The following CLASRP variants were observed in gnomAD, a reference collection of about 807,000 sequenced individuals.
CLASRP encodes CLK4-associating serine/arginine rich protein.
CLASRP carries 52 observed loss-of-function variants against 99.9 expected under a neutral mutation model. The observed-to-expected ratio is 0.52, with a 90% CI of 0.42 to 0.66. The LOEUF is 0.66. Among genes scored for constraint, CLASRP ranks in the 30% least tolerant of loss-of-function variants. The probability of loss-of-function intolerance (pLI) is 0.00; values close to 1 mark genes in which losing one functional copy is unlikely to be tolerated. For missense variants in CLASRP, 848 were observed against 999.2 expected (o/e 0.85, Z 2.04); for synonymous variants, 379 against 373.0 (o/e 1.02, Z -0.18).
chr19:45,048,844 A>G (rs1385704793), intron 2 of CLASRP, among the ~76,000 whole-genome samples: 4 of 151,678 alleles, frequency 2.6e-5, no homozygotes, highest in Non-Finnish European at 5.9e-5. Flanking sequence ...AAATTAGCCA[A>G]GCGTGGTGGC....
chr19:45,061,527 G>T (rs1475870798), intron 10 of CLASRP, among the ~76,000 whole-genome samples: 1 of 152,010 alleles, frequency 6.6e-6, no homozygotes, highest in Non-Finnish European at 1.5e-5. Context: ...GGAGTGCAGT[G>T]GTGTAATCAC....
chr19:45,044,615 A>T (rs1459786712), intron 2 of CLASRP, among the ~76,000 whole-genome samples: 1 of 152,186 alleles, frequency 6.6e-6, no homozygotes, highest in Non-Finnish European at 1.5e-5. Context: ...AATAATAAAA[A>T]AAAATTAGCC....
rs1200735068 is a variant in CLASRP, at chr19:45,064,408, C to G, written c.1187C>G (p.Ser396Cys). The change falls in exon 13 of 21, where the codon TCT becomes TGT. Residue 396 changes from serine to cysteine, a missense_variant. Physicochemically the swap from Ser to Cys is moderately radical, Grantham distance 112. Coordinates refer to ENST00000221455, the MANE Select transcript of CLASRP (RefSeq NM_007056.3). The part of the protein sequence containing the change: ...ASRTSSSRSS[S>C]RSSSRSRRGG... ...AGGACCTCCAGCTCCCGCTCCAGCT[C>G]TCGCTCCAGCTCCCGCTCTCGCCGT... 3.9e-6 allele frequency: 6 copies of G among 1,529,298 alleles called. No individual in the cohort carries two copies. The highest frequency in any genetic ancestry group is 3.9e-5 in the Admixed American group (2 of 50,840). The allele number at this position is 1,529,298 out of a possible 1,614,324, so 94.7% of individuals were successfully genotyped here.
At chr19:45,047,406 C>A (rs1971939221) in intron 2 of CLASRP, 2 of 104,602 alleles carry the variant, frequency 1.9e-5, no homozygotes, top group Non-Finnish European at 1.9e-5. Context: ...AGCAAGACTC[C>A]ATCTCAAAAA....
chr19:45,057,772 A>G lies in CLASRP; in HGVS notation c.487A>G (p.Ile163Val), dbSNP rs776942453. 6 of 1,614,022 alleles carry G rather than the reference A, an allele frequency of 3.7e-6. No individual in the cohort carries two copies. Among genetic ancestry groups the G allele is most frequent in the Admixed American group, 3.3e-5 (2 of 60,010 alleles). The change falls in exon 7 of 21, where the codon ATC (isoleucine) becomes GTC (valine). Residue 163 changes from isoleucine to valine, a missense_variant. Physicochemically the swap from Ile to Val is conservative, Grantham distance 29. Coordinates refer to ENST00000221455, the MANE Select transcript of CLASRP (RefSeq NM_007056.3). The stretch of plus-strand genomic sequence containing the variant: ...CAGGCTGGCAGAGAAGAAGGCTTCC[A>G]TCGGTTATACCTACGAGGACAGCAC... ...KKKLAEKKAS[I>V]GYTYEDSTVA...
rs1195599814 is a variant in CLASRP at position 45,067,771 on chromosome 19, A to G, written c.1667+177A>G. Among the ~76,000 whole-genome samples, 1 of 152,076 alleles carries G rather than the reference A, an allele frequency of 6.6e-6. No homozygotes were observed. Among genetic ancestry groups the G allele is most frequent in the Non-Finnish European group, 1.5e-5 (1 of 67,998 alleles). ...ACACAGCCCTGGCCTGGGGGGTCTG[A>G]GGAGGACACACCAAATCCTGGAGGA... On this transcript the variant is annotated intron_variant, in intron 14 of 20. Coordinates refer to ENST00000221455, the MANE Select transcript of CLASRP (RefSeq NM_007056.3). The surrounding 1 kb of genome is among the most constrained non-coding windows in gnomAD (Gnocchi z 4.9).
At chr19:45,070,324 T>C (rs1967209512) in intron 19 of CLASRP, among the ~76,000 whole-genome samples, 4 of 151,536 alleles carry the variant, frequency 2.6e-5, no homozygotes, top group Admixed American at 2.6e-4. Context: ...CACACACAGA[T>C]TGCTTTAGTC....
intron 13 of CLASRP, among the ~76,000 whole-genome samples, chr19:45,066,577 A>G (rs1967091253): frequency 7.3e-6 from 1 of 137,508 alleles, no homozygotes; most frequent in Non-Finnish European, 1.5e-5. Context: ...GAGCCCAGCT[A>G]TTGCACCACT....
chr19:45,045,164 C>T (rs900946191), intron 2 of CLASRP, among the ~76,000 whole-genome samples: 34 of 152,208 alleles, frequency 2.2e-4, no homozygotes, highest in African/African-American at 8.2e-4. Context: ...TGTCTTCATT[C>T]TATCCAGCAG....
intron 5 of CLASRP, among the ~76,000 whole-genome samples, chr19:45,055,214 C>T (rs1416779764): frequency 6.6e-6 from 1 of 152,196 alleles, no homozygotes; most frequent in African/African-American, 2.4e-5. Context: ...ATGTGACAGA[C>T]AGTGTGCCAT....
intron 16 of CLASRP, 93 bp downstream of exon 16, chr19:45,068,573 C>A: frequency 9.9e-7 from 1 of 1,006,484 alleles, no homozygotes; most frequent in Non-Finnish European, 1.6e-6. Context: ...GGAGGCCTGG[C>A]CCTTCCCTAG....
intron 2 of CLASRP, among the ~76,000 whole-genome samples, 154 bp from the exon 3 acceptor site, chr19:45,051,917 G>C (rs1045285656): frequency 1.3e-5 from 2 of 151,718 alleles, no homozygotes; most frequent in African/African-American, 4.8e-5. Flanking sequence ...GCAGTGAGCC[G>C]AGACAGCACC....
intron 2 of CLASRP, among the ~76,000 whole-genome samples, chr19:45,047,010 A>G (rs1006241249): frequency 1.3e-5 from 2 of 152,110 alleles, no homozygotes; most frequent in Non-Finnish European, 2.9e-5. Flanking sequence ...CTGGACAACA[A>G]GAGCAAAACT....
chr19:45,060,390 A>T lies in CLASRP; in HGVS notation c.712A>T (p.Met238Leu). 1 of 1,613,934 alleles carries T rather than the reference A, an allele frequency of 6.2e-7. No homozygotes were observed. Among genetic ancestry groups the T allele is most frequent in the Non-Finnish European group, 8.5e-7 (1 of 1,179,900 alleles). ...YGMADGDFVRMLRKDKEEAEA... is the reference protein window; with the variant it reads ...YGMADGDFVRLLRKDKEEAEA... The stretch of plus-strand genomic sequence containing the variant: ...CCTAATTCTCACCCACCTCTATAGG[A>T]TGCTCCGGAAAGACAAGGAGGAGGC... Residue 238 changes from methionine to leucine, a missense_variant and splice_region_variant, in exon 9 of 21, where the codon ATG becomes TTG. Around this residue, in one of 8 missense-constraint regions of CLASRP, gnomAD observed 119 missense variants for 170.2 expected, o/e 0.70. Transcript: ENST00000221455. The surrounding 1 kb of genome is among the most constrained non-coding windows in gnomAD (Gnocchi z 4.6).
At chr19:45,052,732 T>G in intron 3 of CLASRP, 59 bp from the exon 4 acceptor site, 1 of 1,282,644 alleles carries the variant, frequency 7.8e-7, no homozygotes, top group Admixed American at 2.0e-5. Flanking sequence ...GCAGGTGCTT[T>G]GTGTCCTGGG....
intron 8 of CLASRP, among the ~76,000 whole-genome samples, chr19:45,059,801 G>A (rs1951364369): frequency 1.3e-5 from 2 of 152,198 alleles, no homozygotes; most frequent in African/African-American, 4.8e-5. Context: ...CCTGAGCATG[G>A]CACCCTCTGC....
chr19:45,070,524 GTT>G lies in CLASRP; in HGVS notation c.1958-10_1958-9del. On this transcript the variant is annotated splice_polypyrimidine_tract_variant and intron_variant, in intron 19 of 20. Transcript: ENST00000221455. ...GATGTTTGCTCGCTCTTCACCTGTT[GTT>G]TTCTTTCCAGGTCGAGAATACAGCT... The G allele has an allele frequency of 6.2e-7, 1 of 1,613,842 alleles. No individual in the cohort carries two copies. The highest frequency in any genetic ancestry group is 8.5e-7 in the Non-Finnish European group (1 of 1,179,734).
chr19:45,070,670 G>A (rs1967220427), intron 20 of CLASRP, 109 bp downstream of exon 20: 2 of 1,313,434 alleles, frequency 1.5e-6, no homozygotes, highest in South Asian at 1.2e-5. Context: ...TCCAGTTGGA[G>A]GGGCTGGTCT....
At position 45,068,025 on chromosome 19, in the gene CLASRP, G is replaced by A; in HGVS notation, c.1678G>A (p.Ala560Thr). 6.2e-7 allele frequency: 1 copy of A among 1,613,700 alleles called. No homozygotes were observed. Among genetic ancestry groups the A allele is most frequent in the South Asian group, 1.1e-5 (1 of 91,078 alleles). ...VGEKLKKTEP[A>T]AGKETGAAKP... Reference sequence around the variant, plus strand: ...CCTGCCCCCACCCAGGACCGAACCTGCCGCTGGTAAAGAGACAGGAGCTGC... The same window carrying A: ...CCTGCCCCCACCCAGGACCGAACCTACCGCTGGTAAAGAGACAGGAGCTGC... The change falls in exon 15 of 21, where the codon GCC (alanine) becomes ACC (threonine). Residue 560 changes from alanine to threonine, a missense_variant. Physicochemically the swap from Ala to Thr is moderately conservative, Grantham distance 58 (BLOSUM62 0). Transcript: ENST00000221455.
Sources: allele counts gnomAD v4.1 joint callset (sites outside exome capture counted in the v4.1 genomes callset), GRCh38; gene constraint gnomAD v4.1.1; regional missense constraint gnomAD v4.1.1; non-coding constraint Gnocchi (gnomAD v3.1); transcripts MANE v1.5; gene names NCBI Gene and HGNC (gene_info 2026-07-23, HGNC 2026-07-21).